The following DPP6 variants were observed in gnomAD, a reference collection of about 807,000 sequenced individuals.
DPP6 encodes dipeptidyl peptidase like 6.
Under a neutral mutation model 122.6 loss-of-function variants are expected in DPP6, and 69 were observed. The observed-to-expected ratio is 0.56, with a 90% CI of 0.46 to 0.69. The LOEUF (loss-of-function observed/expected upper bound fraction) is 0.69, where lower values mean the gene tolerates loss of function less well. Ranked by LOEUF, DPP6 falls within the 30% of genes least tolerant of loss-of-function variation. The probability of loss-of-function intolerance (pLI) is 0.00; values close to 1 mark genes in which losing one functional copy is unlikely to be tolerated. For missense variants in DPP6, 928 were observed against 1,116.9 expected, an observed-to-expected ratio of 0.83 and a Z score of 2.41; for synonymous variants, 418 against 433.1, an observed-to-expected ratio of 0.97 and a Z score of 0.43.
At chr7:154,250,951 CGTCCCTA>C (rs1448495799) in intron 1 of DPP6, among the ~76,000 whole-genome samples, 3 of 152,176 alleles carry the variant, frequency 2.0e-5, no homozygotes, top group African/African-American at 7.2e-5. Context: ...TCAAAAGGGG[CGTCCCTA>C]GTCCCAAAGA....
At chr7:154,796,674 A>T (rs1798067256) in intron 12 of DPP6, among the ~76,000 whole-genome samples, 1 of 152,204 alleles carries the variant, frequency 6.6e-6, no homozygotes, top group South Asian at 2.1e-4. Context: ...TATGGTAGAG[A>T]CACAGGTATG....
rs1053767323 is a variant in DPP6, at chr7:154,052,995, G to A, written c.175G>A (p.Gly59Ser). 11 of 1,057,632 alleles carry A rather than the reference G, an allele frequency of 1.0e-5. No individual in the cohort carries two copies. The African/African-American group carries it at 1.5e-4, about 15-fold the overall frequency. 65.5% of individuals were successfully genotyped at this position (1,057,632 alleles called of 1,614,324 possible). Residue 59 changes from glycine (G) to serine (S), a missense_variant, in exon 1 of 26, where the codon GGC becomes AGC. Coordinates refer to ENST00000377770, the MANE Select transcript of DPP6 (RefSeq NM_130797.4). The surrounding 1 kb of genome is among the most constrained non-coding windows in gnomAD (Gnocchi z 4.8). Reference protein sequence around the residue: ...QAAAPRERGGGGGGAGGRPRF... With the variant: ...QAAAPRERGGSGGGAGGRPRF... ...GGCGGCGCCCCGGGAGCGCGGCGGC[G>A]GCGGCGGCGGCGCGGGTGGCCGGCC... is the stretch of plus-strand genomic sequence containing the variant.
At chr7:154,842,799 C>A (rs936450321) in intron 16 of DPP6, among the ~76,000 whole-genome samples, 1 of 152,192 alleles carries the variant, frequency 6.6e-6, no homozygotes, top group African/African-American at 2.4e-5. Flanking sequence ...GTTATCTCTT[C>A]GTAAGCAAAG....
At chr7:154,714,520 G>A (rs1323259373) in intron 7 of DPP6, among the ~76,000 whole-genome samples, 1 of 152,202 alleles carries the variant, frequency 6.6e-6, no homozygotes, top group Non-Finnish European at 1.5e-5. Context: ...TCGCAGGGCA[G>A]CAGGAGAGGG....
At chr7:154,818,977 C>T (rs937802408) in intron 16 of DPP6, among the ~76,000 whole-genome samples, 1 of 152,218 alleles carries the variant, frequency 6.6e-6, no homozygotes, top group Non-Finnish European at 1.5e-5. Context: ...AAACAAACAT[C>T]TTCCATGGAA....
intron 3 of DPP6, among the ~76,000 whole-genome samples, chr7:154,532,458 G>A (rs1827914015): frequency 6.6e-6 from 1 of 151,986 alleles, no homozygotes; most frequent in Non-Finnish European, 1.5e-5. Flanking sequence ...AATTAAAAGT[G>A]AAGCAAAAAG....
chr7:154,469,421 CCT>C (rs1371583410), intron 2 of DPP6, among the ~76,000 whole-genome samples: 1 of 152,056 alleles, frequency 6.6e-6, no homozygotes, highest in African/African-American at 2.4e-5. Flanking sequence ...AGAGTGTTCC[CCT>C]GACTCACAGC....
At chr7:154,482,070 T>C (rs186945323) in intron 3 of DPP6, among the ~76,000 whole-genome samples, 36 of 152,314 alleles carry the variant, frequency 2.4e-4, no homozygotes, top group African/African-American at 8.4e-4. Flanking sequence ...ATGGTGGAAA[T>C]CTTTTCTGAT....
chr7:154,359,072 G>A (rs1252208540), intron 1 of DPP6, among the ~76,000 whole-genome samples: 2 of 152,214 alleles, frequency 1.3e-5, no homozygotes, highest in Non-Finnish European at 2.9e-5. Context: ...CTGAATTCAG[G>A]AAATGTGATG....
intron 5 of DPP6, among the ~76,000 whole-genome samples, chr7:154,591,242 C>G (rs756486860): frequency 6.6e-6 from 1 of 152,134 alleles, no homozygotes; most frequent in Non-Finnish European, 1.5e-5. Context: ...CAACATATGC[C>G]CATGGTGAGT....
intron 1 of DPP6, among the ~76,000 whole-genome samples, chr7:154,065,602 C>T (rs1802653040): frequency 6.6e-6 from 1 of 152,008 alleles, no homozygotes; most frequent in Non-Finnish European, 1.5e-5. Context: ...AGTACCCCCG[C>T]CCCCGAGAGC....
intron 1 of DPP6, among the ~76,000 whole-genome samples, chr7:153,941,893 A>G (rs1310520361): frequency 6.6e-6 from 1 of 151,878 alleles, no homozygotes; most frequent in African/African-American, 2.4e-5. Context: ...CCTTTCCTAC[A>G]CACTTCCCCA....
At chr7:154,109,983 AG>A (rs1806457032) in intron 1 of DPP6, among the ~76,000 whole-genome samples, 1 of 143,074 alleles carries the variant, frequency 7.0e-6, no homozygotes, top group South Asian at 2.4e-4. Context: ...AATAGCTCTT[AG>A]TACCTTACCT....
chr7:154,699,727 G>T (rs1356250850), intron 7 of DPP6, among the ~76,000 whole-genome samples: 1 of 152,212 alleles, frequency 6.6e-6, no homozygotes, highest in African/African-American at 2.4e-5. Context: ...GGCCCAGAGT[G>T]GCCTTGGAGA....
At chr7:154,456,311 C>T (rs1362468586) in intron 2 of DPP6, among the ~76,000 whole-genome samples, 1 of 152,064 alleles carries the variant, frequency 6.6e-6, no homozygotes. Flanking sequence ...TCCTCAAATC[C>T]CAGATATTCT....
chr7:154,091,380 A>T (rs897654752), intron 1 of DPP6, among the ~76,000 whole-genome samples: 3 of 152,146 alleles, frequency 2.0e-5, no homozygotes, highest in Non-Finnish European at 4.4e-5. Context: ...TGTTGAGCAG[A>T]CTTATAGCTT....
At chr7:154,889,837 T>A in intron 25 of DPP6, 1 of 385,160 alleles carries the variant, frequency 2.6e-6, no homozygotes, top group Non-Finnish European at 4.7e-6. Flanking sequence ...GCACCCACCC[T>A]GCCCAGCAGT....
chr7:153,783,960 T>A, the DPP6 span, among the ~76,000 whole-genome samples: 1 of 152,232 alleles, frequency 6.6e-6, no homozygotes. Context: ...TGGAGGAATC[T>A]CATAGTCATA....
chr7:154,669,062 T>C (rs1838379532), intron 6 of DPP6, among the ~76,000 whole-genome samples: 1 of 152,214 alleles, frequency 6.6e-6, no homozygotes, highest in Non-Finnish European at 1.5e-5. Context: ...TTGACTGTTC[T>C]GGAGATTTAA....
Sources: gnomAD v4.1 joint callset for allele counts (sites outside exome capture counted in the v4.1 genomes callset) on GRCh38, gnomAD v4.1.1 for gene constraint, Gnocchi (gnomAD v3.1) non-coding constraint, MANE v1.5 for transcripts, NCBI Gene and HGNC (gene_info 2026-07-23, HGNC 2026-07-21) for gene names.